Variants in DPP6 observed in about 807,000 individuals in gnomAD.
DPP6 encodes the protein A-type potassium channel modulatory protein DPP6.
A neutral mutation model predicts 122.6 loss-of-function variants in DPP6; 69 were observed. The ratio of observed to expected loss-of-function variants is 0.56; its 90% CI spans 0.46 to 0.69. The LOEUF (loss-of-function observed/expected upper bound fraction) is 0.69. Among genes scored for constraint, DPP6 ranks in the 30% least tolerant of loss-of-function variants. DPP6 has a pLI of 0.00. For synonymous variants in DPP6, 418 were observed against 433.1 expected (o/e 0.97, Z 0.43); for missense variants, 928 against 1,116.9 (o/e 0.83, Z 2.41).
chr7:154,392,406 A>G (rs1814702074), intron 1 of DPP6, among the ~76,000 whole-genome samples: 1 of 152,180 alleles, frequency 6.6e-6, no homozygotes, highest in South Asian at 2.1e-4. Context: ...TTTTAAACCC[A>G]CTTTAAGAAG....
chr7:153,755,417 T>A, the DPP6 span, among the ~76,000 whole-genome samples: 5 of 144,718 alleles, frequency 3.5e-5, no homozygotes, highest in African/African-American at 5.2e-5. Context: ...TCTTCTTTCA[T>A]TTTCCCAGTG....
intron 3 of DPP6, among the ~76,000 whole-genome samples, chr7:154,515,529 G>A (rs985346755): frequency 6.6e-6 from 1 of 151,828 alleles, no homozygotes; most frequent in African/African-American, 2.4e-5. Context: ...AGGCTGGAGT[G>A]CAGTGGTGCG....
At chr7:154,438,771 C>T (rs1461527098) in intron 1 of DPP6, among the ~76,000 whole-genome samples, 1 of 152,182 alleles carries the variant, frequency 6.6e-6, no homozygotes, top group Non-Finnish European at 1.5e-5. Flanking sequence ...CACTTAACTT[C>T]CCTCCCCACC....
At chr7:154,440,588 A>T (rs1431686704) in intron 1 of DPP6, among the ~76,000 whole-genome samples, 5 of 152,196 alleles carry the variant, frequency 3.3e-5, no homozygotes, top group Non-Finnish European at 5.9e-5. Flanking sequence ...GCTATCAATT[A>T]CCTAACCATG....
chr7:154,498,350 A>G (rs1281507824), intron 3 of DPP6, among the ~76,000 whole-genome samples: 1 of 151,830 alleles, frequency 6.6e-6, no homozygotes, highest in Non-Finnish European at 1.5e-5. Context: ...TTTTTATTTT[A>G]TTTTTTGAGA....
chr7:153,976,512 C>T (rs771958508), intron 1 of DPP6, among the ~76,000 whole-genome samples: 5 of 152,122 alleles, frequency 3.3e-5, no homozygotes, highest in Admixed American at 1.3e-4. Flanking sequence ...AAACTGCACT[C>T]GTACGTTTAA....
chr7:154,311,551 A>G (rs775244156), intron 1 of DPP6, among the ~76,000 whole-genome samples: 17 of 152,086 alleles, frequency 1.1e-4, no homozygotes, highest in Non-Finnish European at 2.4e-4. Flanking sequence ...GTAAATTGCA[A>G]TCCTGTTTGT....
intron 10 of DPP6, among the ~76,000 whole-genome samples, chr7:154,776,939 A>G (rs1022582310): frequency 2.6e-5 from 4 of 152,210 alleles, no homozygotes; most frequent in South Asian, 2.1e-4. Flanking sequence ...CTAGCTCACG[A>G]ACCAAGAGGA....
chr7:154,718,421 T>C (rs1841611108), intron 7 of DPP6, among the ~76,000 whole-genome samples: 1 of 152,166 alleles, frequency 6.6e-6, no homozygotes, highest in South Asian at 2.1e-4. Flanking sequence ...TGAGTTGATT[T>C]TTTTAAGAGG....
chr7:154,018,208 GCTTT>G (rs1359640864), intron 1 of DPP6, among the ~76,000 whole-genome samples: 2 of 151,744 alleles, frequency 1.3e-5, no homozygotes, highest in Admixed American at 6.6e-5. Flanking sequence ...CTTAGAGGTT[GCTTT>G]CTTTGGAATT....
chr7:154,563,143 G>C (rs1236830861), intron 4 of DPP6, among the ~76,000 whole-genome samples: 3 of 152,218 alleles, frequency 2.0e-5, no homozygotes, highest in Admixed American at 2.0e-4. Context: ...GCCTCACTTA[G>C]AAGGTGACTT....
Position 154,379,399 on chromosome 7 carries a change from C to T in DPP6, c.244-66815C>T, listed in dbSNP as rs1321523002. On this transcript the variant is annotated intron_variant, in intron 1 of 25. Coordinates refer to ENST00000377770, the MANE Select transcript of DPP6 (RefSeq NM_130797.4). ...GGGAGGGATAGCATTAGGAGAAATACCTAATTTAAATGATGAGTTGATGGG... is the reference window on the plus strand; with the variant it reads ...GGGAGGGATAGCATTAGGAGAAATATCTAATTTAAATGATGAGTTGATGGG... Among the ~76,000 whole-genome samples the T allele has an allele frequency of 3.9e-4, 59 of 151,976 alleles. 1 individual carries two copies. Among genetic ancestry groups the T allele is most frequent in the Non-Finnish European group, 1.0e-4 (7 of 68,012 alleles).
At chr7:154,489,586 C>T (rs1406946097) in intron 3 of DPP6, among the ~76,000 whole-genome samples, 1 of 152,042 alleles carries the variant, frequency 6.6e-6, no homozygotes, top group Admixed American at 6.5e-5. Context: ...TAAGTGCCAA[C>T]CTCACATCTG....
intron 3 of DPP6, among the ~76,000 whole-genome samples, chr7:154,491,646 C>A (rs996754886): frequency 6.6e-6 from 1 of 152,198 alleles, no homozygotes; most frequent in Non-Finnish European, 1.5e-5. Flanking sequence ...CCATCGCCAT[C>A]CACCTGTCTT....
chr7:154,036,350 A>T (rs948046910), intron 1 of DPP6, among the ~76,000 whole-genome samples: 67 of 147,538 alleles, frequency 4.5e-4, no homozygotes, highest in Non-Finnish European at 8.6e-4. Context: ...CGAACTCCTG[A>T]CTTCAGGTGA....
chr7:153,880,754 T>C, the DPP6 span, among the ~76,000 whole-genome samples: 1 of 152,212 alleles, frequency 6.6e-6, no homozygotes, highest in African/African-American at 2.4e-5. Flanking sequence ...ATACCTGAGA[T>C]GAACCTGAAA....
intron 1 of DPP6, among the ~76,000 whole-genome samples, chr7:154,216,994 G>A (rs1800043726): frequency 6.6e-6 from 1 of 151,644 alleles, no homozygotes; most frequent in South Asian, 2.1e-4. Flanking sequence ...CTAATTGCAT[G>A]TTCCATATTT....
At chr7:154,126,084 T>A (rs1489668913) in intron 1 of DPP6, among the ~76,000 whole-genome samples, 2 of 152,182 alleles carry the variant, frequency 1.3e-5, no homozygotes, top group Non-Finnish European at 2.9e-5. Flanking sequence ...ATCAGAAAGG[T>A]ATTAGAGAAA....
intron 5 of DPP6, among the ~76,000 whole-genome samples, chr7:154,623,978 G>A (rs951253280): frequency 4.6e-5 from 7 of 152,322 alleles, no homozygotes; most frequent in South Asian, 2.1e-4. Flanking sequence ...TGGATCACTT[G>A]AGGTGAGGAA....
Sources: gnomAD v4.1 joint callset for allele counts (sites outside exome capture counted in the v4.1 genomes callset) on GRCh38, gnomAD v4.1.1 for gene constraint, MANE v1.5 for transcripts, NCBI Gene and HGNC (gene_info 2026-07-23, HGNC 2026-07-21) for gene names.